SFXN5: variants seen among roughly 807,000 people sequenced by gnomAD.
The protein encoded by SFXN5 is sideroflexin-5.
A neutral mutation model predicts 50.2 loss-of-function variants in SFXN5; 43 were observed. The observed-to-expected ratio is 0.86, with a 90% confidence interval of 0.67 to 1.11. The LOEUF (loss-of-function observed/expected upper bound fraction) is 1.11, where lower values mean the gene tolerates loss of function less well. Ranked by LOEUF, SFXN5 falls within the 50% of genes least tolerant of loss-of-function variation. The pLI, the probability that SFXN5 is intolerant of heterozygous loss-of-function variation, is 0.00. For synonymous variants in SFXN5, 203 were observed against 185.8 expected, an observed-to-expected ratio of 1.09 and a Z score of -0.75; for missense variants, 463 against 454.1, an observed-to-expected ratio of 1.02 and a Z score of -0.18.
chr2:72,968,079 T>C (rs1674652573), intron 12 of SFXN5, among the ~76,000 whole-genome samples: 2 of 150,212 alleles, frequency 1.3e-5, no homozygotes, highest in South Asian at 4.2e-4. Flanking sequence ...TCACAAATGG[T>C]CCTGTACATA....
At chr2:73,063,405 T>A (rs1478637747) in intron 1 of SFXN5, among the ~76,000 whole-genome samples, 1 of 152,142 alleles carries the variant, frequency 6.6e-6, no homozygotes, top group African/African-American at 2.4e-5. Flanking sequence ...ATATTTGGTA[T>A]ATAATTTAAG....
In SFXN5 at chr2:73,071,627, G is replaced by T. The variant is rs751656704; in HGVS notation, c.79C>A (p.Leu27Met). 4 of 1,613,760 alleles carry T rather than the reference G, an allele frequency of 2.5e-6. No homozygotes were observed. Among genetic ancestry groups the T allele is most frequent in the Non-Finnish European group, 3.4e-6 (4 of 1,179,920 alleles). ...ACCTGCTGGAAGCGGGGTTTGCCCA[G>T]TTGGAAAGGAGGTGCATCGCTCGAG... ...SASSDAPPFQ[L>M]GKPRFQQTSF... The change falls in exon 1 of 14, where the codon CTG becomes ATG. Residue 27 changes from leucine (L) to methionine (M), a missense_variant. Physicochemically the swap from Leu to Met is conservative, Grantham distance 15. Coordinates refer to ENST00000272433, the MANE Select transcript of SFXN5 (RefSeq NM_144579.3).
At chr2:73,060,866 A>AT (rs559265646) in intron 1 of SFXN5, among the ~76,000 whole-genome samples, 5 of 151,530 alleles carry the variant, frequency 3.3e-5, no homozygotes, top group African/African-American at 1.2e-4. Context: ...CGCCCGGCTT[A>AT]TTTTTTTTGT....
intron 2 of SFXN5, among the ~76,000 whole-genome samples, chr2:73,051,257 CTTTTT>C (rs35074891): frequency 3.0e-4 from 35 of 114,788 alleles, no homozygotes; most frequent in African/African-American, 1.2e-3. Context: ...TTTTCCAGCA[CTTTTT>C]TTTTTTTTTT....
intron 1 of SFXN5, 64 bp from the exon 2 acceptor site, chr2:73,058,660 TG>T: frequency 6.7e-7 from 1 of 1,498,980 alleles, no homozygotes; most frequent in South Asian, 1.1e-5. Flanking sequence ...CTCCAGACAC[TG>T]GAGAGCCCCA....
chr2:72,982,166 T>C (rs1671387308), intron 10 of SFXN5, among the ~76,000 whole-genome samples: 1 of 152,156 alleles, frequency 6.6e-6, no homozygotes, highest in Admixed American at 6.5e-5. Flanking sequence ...TCAATCCCCA[T>C]GAAAACTTTG....
intron 2 of SFXN5, among the ~76,000 whole-genome samples, chr2:73,050,392 G>GCA (rs35090808): frequency 0.041 from 6,078 of 146,566 alleles, 227 homozygotes; most frequent in African/African-American, 0.092. Flanking sequence ...CACAGCGCAC[G>GCA]CACACACACA....
At chr2:73,024,191 T>G (rs1487488931) in intron 3 of SFXN5, among the ~76,000 whole-genome samples, 1 of 151,918 alleles carries the variant, frequency 6.6e-6, no homozygotes, top group Non-Finnish European at 1.5e-5. Context: ...GCCCAGCTAA[T>G]TTTTGTATTT....
intron 11 of SFXN5, among the ~76,000 whole-genome samples, chr2:72,970,729 C>T (rs1309853365): frequency 6.6e-6 from 1 of 152,010 alleles, no homozygotes; most frequent in African/African-American, 2.4e-5. Context: ...GCTGTTTCAC[C>T]CAGGCTGGAG....
intron 10 of SFXN5, among the ~76,000 whole-genome samples, chr2:72,983,471 G>A (rs1671556478): frequency 6.6e-6 from 1 of 152,228 alleles, no homozygotes; most frequent in Non-Finnish European, 1.5e-5. Context: ...CTTGGAAGGA[G>A]CAGCTGGCTG....
intron 1 of SFXN5, among the ~76,000 whole-genome samples, chr2:73,067,983 G>T (rs2106074121): frequency 6.6e-6 from 1 of 152,286 alleles, no homozygotes; most frequent in East Asian, 1.9e-4. Context: ...AAAAAGGCTG[G>T]AATGATGCTT....
At chr2:72,958,118 T>C (rs1673309524) in intron 13 of SFXN5, among the ~76,000 whole-genome samples, 1 of 152,082 alleles carries the variant, frequency 6.6e-6, no homozygotes, top group African/African-American at 2.4e-5. Context: ...GAGGCCTGGG[T>C]GGGTGAATGG....
chr2:72,970,233 A>G (rs1674988523), intron 11 of SFXN5, among the ~76,000 whole-genome samples: 2 of 152,234 alleles, frequency 1.3e-5, no homozygotes, highest in Admixed American at 1.3e-4. Flanking sequence ...TGATGGGCTC[A>G]GGGCTGAACA....
chr2:72,978,060 C>G (rs552483757), intron 10 of SFXN5, among the ~76,000 whole-genome samples: 1 of 149,574 alleles, frequency 6.7e-6, no homozygotes, highest in African/African-American at 2.5e-5. Flanking sequence ...TATTTTCTTC[C>G]AAAGGTTTTA....
intron 3 of SFXN5, among the ~76,000 whole-genome samples, chr2:73,030,465 A>G (rs1678163672): frequency 6.6e-6 from 1 of 152,116 alleles, no homozygotes; most frequent in Non-Finnish European, 1.5e-5. Flanking sequence ...TCCTACCCAA[A>G]GGGCTGGGAT....
At chr2:73,019,534 T>C (rs1003751127) in intron 6 of SFXN5, 5 of 151,646 alleles carry the variant, frequency 3.3e-5, no homozygotes, top group African/African-American at 7.3e-5. Context: ...GTTCATGTCA[T>C]TCTCCTGCCT....
At chr2:72,962,187 T>C (rs1309377382) in intron 12 of SFXN5, among the ~76,000 whole-genome samples, 1 of 152,172 alleles carries the variant, frequency 6.6e-6, no homozygotes, top group Non-Finnish European at 1.5e-5. Context: ...TGCCAGGGGG[T>C]GTTGGGCAGG....
intron 13 of SFXN5, among the ~76,000 whole-genome samples, chr2:72,954,914 C>G (rs955630691): frequency 6.6e-6 from 1 of 152,224 alleles, no homozygotes; most frequent in African/African-American, 2.4e-5. Context: ...TTGGTTCTTA[C>G]AGGAAGAAAC....
Position 72,988,352 on chromosome 2 carries a change from T to C in SFXN5, c.535-4A>G, listed in dbSNP as rs1672159410. On this transcript the variant is annotated splice_region_variant and splice_polypyrimidine_tract_variant and intron_variant, in intron 9 of 13. Transcript: ENST00000272433. Reference sequence around the variant, plus strand: ...GAACCAGGACATTAAGGCCCACCTTTGAAAGAAAAAAATAAAAACACAGAA... The same window carrying C: ...GAACCAGGACATTAAGGCCCACCTTCGAAAGAAAAAAATAAAAACACAGAA... 6.2e-7 allele frequency: 1 copy of C among 1,612,972 alleles called. No individual in the cohort carries two copies. The highest frequency in any genetic ancestry group is 1.7e-5 in the Admixed American group (1 of 59,858).
Sources: gnomAD v4.1 joint callset for allele counts (sites outside exome capture counted in the v4.1 genomes callset) on GRCh38, gnomAD v4.1.1 for gene constraint, MANE v1.5 for transcripts, NCBI Gene and HGNC (gene_info 2026-07-23, HGNC 2026-07-21) for gene names.